The following MLLT3 variants were observed in gnomAD, a reference collection of about 807,000 sequenced individuals.
The protein encoded by MLLT3 is protein AF-9.
In MLLT3, 4 loss-of-function variants were observed where a neutral mutation model predicts 53.2. The observed-to-expected ratio is 0.08, with a 90% CI of 0.04 to 0.17. MLLT3 has a LOEUF of 0.17. Among genes scored for constraint, MLLT3 ranks in the 10% least tolerant of loss-of-function variants. MLLT3 has a pLI of 1.00. For missense variants in MLLT3, 569 were observed against 684.0 expected, an observed-to-expected ratio of 0.83 and a Z score of 1.87; for synonymous variants, 283 against 230.6, an observed-to-expected ratio of 1.23 and a Z score of -2.06.
chr9:20,478,777 T>C (rs540186575), intron 2 of MLLT3, among the ~76,000 whole-genome samples: 1 of 152,162 alleles, frequency 6.6e-6, no homozygotes, highest in South Asian at 2.1e-4. Context: ...TTCTACTTCA[T>C]AGTCTAGTTG....
At chr9:20,429,929 G>A (rs753549361) in intron 4 of MLLT3, among the ~76,000 whole-genome samples, 2 of 152,026 alleles carry the variant, frequency 1.3e-5, no homozygotes, top group African/African-American at 2.4e-5. Flanking sequence ...TGCACTGGGG[G>A]GAAAAGGATA....
chr9:20,530,606 C>T (rs1818307224), intron 2 of MLLT3, among the ~76,000 whole-genome samples: 1 of 152,180 alleles, frequency 6.6e-6, no homozygotes. Flanking sequence ...TAAATACATG[C>T]ATAAAAACAG....
chr9:20,515,126 C>T (rs1267626005), intron 2 of MLLT3, among the ~76,000 whole-genome samples: 1 of 151,532 alleles, frequency 6.6e-6, no homozygotes, highest in African/African-American at 2.4e-5. Context: ...TTTTGTATTT[C>T]TAGCAGAGAT....
At chr9:20,488,857 G>T (rs544294546) in intron 2 of MLLT3, among the ~76,000 whole-genome samples, 1 of 152,290 alleles carries the variant, frequency 6.6e-6, no homozygotes, top group East Asian at 1.9e-4. Context: ...GATTTAGACA[G>T]AAAGGCATTC....
intron 5 of MLLT3, among the ~76,000 whole-genome samples, chr9:20,409,552 G>T (rs1322959366): frequency 6.6e-6 from 1 of 152,178 alleles, no homozygotes; most frequent in African/African-American, 2.4e-5. Context: ...AAGTACAGTG[G>T]AATATCATGT....
At chr9:20,578,847 TATTA>T (rs1426661989) in intron 2 of MLLT3, among the ~76,000 whole-genome samples, 5 of 152,300 alleles carry the variant, frequency 3.3e-5, no homozygotes, top group Middle Eastern at 6.8e-3. Flanking sequence ...TGAAATACTT[TATTA>T]ATTATTTATA....
intron 10 of MLLT3, among the ~76,000 whole-genome samples, chr9:20,351,149 T>A (rs1270881168): frequency 6.6e-6 from 1 of 152,212 alleles, no homozygotes; most frequent in African/African-American, 2.4e-5. Flanking sequence ...GAGAACATCA[T>A]TTTCATCAGA....
intron 8 of MLLT3, among the ~76,000 whole-genome samples, chr9:20,357,169 T>C (rs937984027): frequency 1.3e-5 from 2 of 152,234 alleles, no homozygotes; most frequent in Non-Finnish European, 2.9e-5. Flanking sequence ...CAACATGCCT[T>C]GCAGGCTGAT....
intron 5 of MLLT3, among the ~76,000 whole-genome samples, chr9:20,395,913 C>A (rs188452751): frequency 6.6e-6 from 1 of 152,226 alleles, no homozygotes; most frequent in African/African-American, 2.4e-5. Flanking sequence ...AGGAAACCAT[C>A]GGTAACAACT....
At chr9:20,599,135 C>T (rs1463691998) in intron 2 of MLLT3, among the ~76,000 whole-genome samples, 2 of 151,986 alleles carry the variant, frequency 1.3e-5, no homozygotes, top group Admixed American at 1.3e-4. Flanking sequence ...GAAACCCTGT[C>T]TCTACTAAAA....
chr9:20,579,514 T>A (rs770601406), intron 2 of MLLT3, among the ~76,000 whole-genome samples: 1 of 152,040 alleles, frequency 6.6e-6, no homozygotes, highest in Non-Finnish European at 1.5e-5. Context: ...TTTAAAAACA[T>A]CTCTCCAAAT....
At chr9:20,390,806 A>G (rs770549637) in intron 5 of MLLT3, among the ~76,000 whole-genome samples, 9 of 152,214 alleles carry the variant, frequency 5.9e-5, no homozygotes, top group Admixed American at 1.3e-4. Context: ...GACAAATCAG[A>G]TATCTTATAG....
At chr9:20,547,363 G>C (rs1339400646) in intron 2 of MLLT3, among the ~76,000 whole-genome samples, 2 of 151,968 alleles carry the variant, frequency 1.3e-5, no homozygotes, top group Admixed American at 6.5e-5. Flanking sequence ...TTGATACATG[G>C]CCAGGCATGG....
At chr9:20,509,496 T>TTTTGAATTTGTTGAA (rs1825471497) in intron 2 of MLLT3, among the ~76,000 whole-genome samples, 1 of 152,194 alleles carries the variant, frequency 6.6e-6, no homozygotes, top group Admixed American at 6.5e-5. Flanking sequence ...GAGGTGGCCC[T>TTTTGAATTTGTTGAA]TTTGAATTTG....
At chr9:20,548,950 G>T (rs555536071) in intron 2 of MLLT3, among the ~76,000 whole-genome samples, 2 of 152,008 alleles carry the variant, frequency 1.3e-5, no homozygotes, top group South Asian at 4.2e-4. Flanking sequence ...AAGTAGCTAG[G>T]ACTACAGCCA....
chr9:20,486,347 G>T (rs1244283566), intron 2 of MLLT3, among the ~76,000 whole-genome samples: 1 of 151,776 alleles, frequency 6.6e-6, no homozygotes, highest in Non-Finnish European at 1.5e-5. Context: ...AGAAACACAG[G>T]TTACCTATAA....
intron 4 of MLLT3, among the ~76,000 whole-genome samples, chr9:20,430,676 A>G (rs1234993844): frequency 6.6e-6 from 1 of 152,178 alleles, no homozygotes; most frequent in East Asian, 1.9e-4. Flanking sequence ...ATTCAGGAGA[A>G]TATCTATATG....
Position 20,622,425 on chromosome 9 carries a change from C to T in MLLT3, c.-169G>A, listed in dbSNP as rs964872621. 2 of 608,878 alleles carry T rather than the reference C, an allele frequency of 3.3e-6. No individual in the cohort carries two copies. The highest frequency in any genetic ancestry group is 5.6e-6 in the Non-Finnish European group (2 of 354,798). 37.7% of individuals were successfully genotyped at this position (608,878 alleles called of 1,614,324 possible). On this transcript the variant is annotated 5_prime_UTR_variant, in exon 1 of 11. Coordinates refer to ENST00000380338, the MANE Select transcript of MLLT3 (RefSeq NM_004529.4). The stretch of plus-strand genomic sequence containing the variant: ...TTCCCCCCGCGCTCGCTTGCTCGCT[C>T]GCTCGCTTATTAAACTCAGCCCCAA...
intron 5 of MLLT3, among the ~76,000 whole-genome samples, chr9:20,399,647 T>C (rs1822405829): frequency 6.6e-6 from 1 of 151,996 alleles, no homozygotes; most frequent in Non-Finnish European, 1.5e-5. Context: ...TGAGACAGCA[T>C]GGAATAGTCA....
Sources: gnomAD v4.1 joint callset for allele counts (sites outside exome capture counted in the v4.1 genomes callset) on GRCh38, gnomAD v4.1.1 for gene constraint, MANE v1.5 for transcripts, NCBI Gene and HGNC (gene_info 2026-07-23, HGNC 2026-07-21) for gene names.